Variants in PRTFDC1 observed in about 807,000 individuals in gnomAD.
PRTFDC1 encodes the protein phosphoribosyltransferase domain-containing protein 1.
A neutral mutation model predicts 34.6 loss-of-function variants in PRTFDC1; 38 were observed. That is an observed-to-expected ratio of 1.10 (90% CI 0.85 to 1.44). PRTFDC1 has a LOEUF of 1.44. PRTFDC1 is among the 40% of genes most tolerant of loss of function. The pLI, the probability that PRTFDC1 is intolerant of heterozygous loss-of-function variation, is 0.00. For missense variants in PRTFDC1, 270 were observed against 283.0 expected (o/e 0.95, Z 0.33); for synonymous variants, 93 against 98.1 (o/e 0.95, Z 0.31).
chr10:24,855,253 A>G (rs1847552250), intron 7 of PRTFDC1, 65 bp downstream of exon 7: 1 of 1,501,702 alleles, frequency 6.7e-7, no homozygotes, highest in Non-Finnish European at 9.2e-7. Context: ...ATTCTTAAAC[A>G]TAAAATGAAA....
chr10:24,870,106 A>C (rs987120829), intron 4 of PRTFDC1, among the ~76,000 whole-genome samples: 1 of 152,010 alleles, frequency 6.6e-6, no homozygotes, highest in Non-Finnish European at 1.5e-5. Context: ...GGATATACAG[A>C]TTATTATTAT....
intron 3 of PRTFDC1, among the ~76,000 whole-genome samples, chr10:24,909,509 C>T (rs1041783806): frequency 1.3e-5 from 2 of 152,120 alleles, no homozygotes; most frequent in African/African-American, 4.8e-5. Flanking sequence ...TTCACAGGAT[C>T]TAGCAGAATC....
intron 3 of PRTFDC1, among the ~76,000 whole-genome samples, chr10:24,874,158 T>C (rs531217033): frequency 6.6e-6 from 1 of 152,126 alleles, no homozygotes; most frequent in East Asian, 1.9e-4. Flanking sequence ...GGAGAGAGGC[T>C]TCACACACTA....
chr10:24,918,102 C>T (rs1848724951), intron 3 of PRTFDC1, among the ~76,000 whole-genome samples: 1 of 152,020 alleles, frequency 6.6e-6, no homozygotes, highest in South Asian at 2.1e-4. Flanking sequence ...GGGTGGAGGA[C>T]CAGGGAGTCC....
chr10:24,914,437 C>T (rs1014962773), intron 3 of PRTFDC1, among the ~76,000 whole-genome samples: 1 of 152,088 alleles, frequency 6.6e-6, no homozygotes, highest in African/African-American at 2.4e-5. Context: ...TGTAAAAATA[C>T]GTAAGGTTGA....
chr10:24,853,662 A>C (rs1242840850), intron 7 of PRTFDC1, among the ~76,000 whole-genome samples: 1 of 152,166 alleles, frequency 6.6e-6, no homozygotes, highest in Non-Finnish European at 1.5e-5. Context: ...CAGGGTTATA[A>C]TAATGACTTT....
At chr10:24,942,473 A>T in intron 1 of PRTFDC1, 37 bp from the exon 2 acceptor site, 1 of 1,529,152 alleles carries the variant, frequency 6.5e-7, no homozygotes, top group Non-Finnish European at 9.1e-7. Context: ...GTATTTTTTC[A>T]TCAGAAATTT....
intron 2 of PRTFDC1, among the ~76,000 whole-genome samples, chr10:24,937,856 C>T (rs933880013): frequency 1.3e-5 from 2 of 151,982 alleles, no homozygotes; most frequent in African/African-American, 4.8e-5. Context: ...CCATGCCTGG[C>T]AGTATTTACT....
intron 2 of PRTFDC1, among the ~76,000 whole-genome samples, chr10:24,939,341 A>C (rs1849110753): frequency 6.6e-6 from 1 of 151,730 alleles, no homozygotes; most frequent in South Asian, 2.1e-4. Context: ...ACAGAGTGGA[A>C]GACAAAAAAG....
intron 3 of PRTFDC1, among the ~76,000 whole-genome samples, chr10:24,888,494 G>A (rs1449688801): frequency 6.6e-6 from 1 of 152,216 alleles, no homozygotes; most frequent in Non-Finnish European, 1.5e-5. Context: ...TAAAAGGGAA[G>A]GGAGCGGACA....
chr10:24,850,299 T>C (rs1055487940), intron 8 of PRTFDC1, among the ~76,000 whole-genome samples: 1 of 152,122 alleles, frequency 6.6e-6, no homozygotes, highest in Admixed American at 6.5e-5. Flanking sequence ...ATATTTTGAT[T>C]GAAAGCAACA....
At chr10:24,891,225 G>T (rs921370190) in intron 3 of PRTFDC1, among the ~76,000 whole-genome samples, 21 of 152,040 alleles carry the variant, frequency 1.4e-4, no homozygotes, top group Non-Finnish European at 1.6e-4. Context: ...AATTTAATTT[G>T]CTGTAAAATT....
chr10:24,856,228 T>C (rs141419404), intron 6 of PRTFDC1, among the ~76,000 whole-genome samples: 358 of 147,024 alleles, frequency 2.4e-3, no homozygotes, highest in African/African-American at 7.6e-3. Flanking sequence ...ATGATCACAC[T>C]ACTGCCCTCC....
chr10:24,895,253 CTT>C (rs60331186), intron 3 of PRTFDC1, among the ~76,000 whole-genome samples: 5 of 105,174 alleles, frequency 4.8e-5, no homozygotes, highest in Admixed American at 1.1e-4. Context: ...TCTCCACTTT[CTT>C]TTTTTTTTTT....
intron 6 of PRTFDC1, among the ~76,000 whole-genome samples, chr10:24,856,147 C>T (rs1186848243): frequency 1.5e-5 from 2 of 134,366 alleles, no homozygotes; most frequent in African/African-American, 2.8e-5. Context: ...AAAAAGGTAG[C>T]TGTCCTAGCT....
At chr10:24,937,516 C>G (rs1849072827) in intron 2 of PRTFDC1, 149 bp from the exon 3 acceptor site, 2 of 611,804 alleles carry the variant, frequency 3.3e-6, no homozygotes, top group African/African-American at 1.9e-5. Context: ...GATAGAAAAG[C>G]TTTGTTAAGG....
intron 4 of PRTFDC1, among the ~76,000 whole-genome samples, chr10:24,860,145 C>T (rs138846793): frequency 0.019 from 2,946 of 152,104 alleles, 49 homozygotes; most frequent in South Asian, 0.047. Flanking sequence ...TTTAGGAGGC[C>T]GAGGTGGGTG....
At chr10:24,902,960 G>T (rs1848471303) in intron 3 of PRTFDC1, among the ~76,000 whole-genome samples, 2 of 152,210 alleles carry the variant, frequency 1.3e-5, no homozygotes, top group African/African-American at 2.4e-5. Flanking sequence ...ACTTTGGGAG[G>T]CCAAGGCGGG....
intron 3 of PRTFDC1, among the ~76,000 whole-genome samples, chr10:24,929,744 G>A (rs1289016791): frequency 6.6e-6 from 1 of 152,058 alleles, no homozygotes; most frequent in African/African-American, 2.4e-5. Context: ...GAGAATAAAG[G>A]GAAAAAACTT....
Sources: allele counts gnomAD v4.1 joint callset (sites outside exome capture counted in the v4.1 genomes callset), GRCh38; gene constraint gnomAD v4.1.1; transcripts MANE v1.5; gene names NCBI Gene and HGNC (gene_info 2026-07-23, HGNC 2026-07-21).